The following CACNG2 variants were observed in gnomAD, a reference collection of about 807,000 sequenced individuals.
The protein encoded by CACNG2 is voltage-dependent calcium channel gamma-2 subunit.
Under a neutral mutation model 25.9 loss-of-function variants are expected in CACNG2, and 3 were observed. The ratio of observed to expected loss-of-function variants is 0.12; its 90% confidence interval spans 0.05 to 0.30. CACNG2 has a LOEUF of 0.30. Among genes scored for constraint, CACNG2 ranks in the 10% least tolerant of loss-of-function variants. CACNG2 has a pLI of 1.00. For synonymous variants in CACNG2, 167 were observed against 173.3 expected (o/e 0.96, Z 0.29); for missense variants, 341 against 432.5 (o/e 0.79, Z 1.88).
chr22:36,596,231 C>T (rs1935676443), intron 1 of CACNG2, among the ~76,000 whole-genome samples: 7 of 152,212 alleles, frequency 4.6e-5, no homozygotes. Context: ...TCTGTGTTTT[C>T]AACCTTTGCT....
chr22:36,660,579 C>T (rs1936777304), intron 1 of CACNG2, among the ~76,000 whole-genome samples: 1 of 152,354 alleles, frequency 6.6e-6, no homozygotes, highest in Admixed American at 6.5e-5. Flanking sequence ...AACACAAAGA[C>T]GCTGCTACTT....
intron 1 of CACNG2, among the ~76,000 whole-genome samples, chr22:36,683,240 G>A (rs372696881): frequency 6.6e-6 from 1 of 152,232 alleles, no homozygotes; most frequent in African/African-American, 2.4e-5. Context: ...TGTATAAGAA[G>A]TAGCTATGTC....
At chr22:36,642,306 G>A (rs1936451881) in intron 1 of CACNG2, among the ~76,000 whole-genome samples, 1 of 152,200 alleles carries the variant, frequency 6.6e-6, no homozygotes, top group South Asian at 2.1e-4. Flanking sequence ...TTTGGAAACT[G>A]TGTTAGCTGC....
intron 1 of CACNG2, among the ~76,000 whole-genome samples, chr22:36,664,755 C>A (rs566727197): frequency 7.9e-5 from 12 of 152,264 alleles, no homozygotes; most frequent in African/African-American, 2.9e-4. Flanking sequence ...TGCTAGACTG[C>A]AATGTAATAA....
intron 1 of CACNG2, among the ~76,000 whole-genome samples, chr22:36,696,281 G>T (rs966873463): frequency 6.6e-6 from 1 of 151,764 alleles, no homozygotes; most frequent in Admixed American, 6.6e-5. Context: ...TTTTACTATT[G>T]TCCTTTATGC....
intron 1 of CACNG2, among the ~76,000 whole-genome samples, chr22:36,648,759 G>T (rs542738635): frequency 2.0e-5 from 3 of 152,092 alleles, no homozygotes; most frequent in African/African-American, 7.2e-5. Flanking sequence ...GGGAACCTGG[G>T]AATCTTCTTT....
intron 1 of CACNG2, among the ~76,000 whole-genome samples, chr22:36,599,907 C>T (rs1053526348): frequency 2.4e-4 from 37 of 152,252 alleles, no homozygotes; most frequent in Admixed American, 1.1e-3. Flanking sequence ...CTTCCCAGAA[C>T]GTAGGCTTTA....
intron 1 of CACNG2, among the ~76,000 whole-genome samples, chr22:36,640,851 C>A (rs1018297470): frequency 1.3e-5 from 2 of 152,116 alleles, no homozygotes; most frequent in African/African-American, 4.8e-5. Context: ...CATCCCAGCC[C>A]ACAAGCCCTT....
intron 1 of CACNG2, among the ~76,000 whole-genome samples, chr22:36,602,391 A>G (rs1243074117): frequency 6.6e-6 from 1 of 151,614 alleles, no homozygotes; most frequent in Non-Finnish European, 1.5e-5. Flanking sequence ...AAATATATAT[A>G]TATATATTTT....
chr22:36,634,778 C>A (rs138013245), intron 1 of CACNG2, among the ~76,000 whole-genome samples: 1 of 152,278 alleles, frequency 6.6e-6, no homozygotes, highest in African/African-American at 2.4e-5. Flanking sequence ...AGTCCCAGAT[C>A]TCAAGTTTAT....
rs779711682 is a variant in CACNG2, at chr22:36,564,931, G to A, written c.437-45C>T. 1 of 1,572,508 alleles carries A rather than the reference G, an allele frequency of 6.4e-7. No individual in the cohort carries two copies. Among genetic ancestry groups the A allele is most frequent in the Non-Finnish European group, 8.7e-7 (1 of 1,153,434 alleles). ...GGGGTGGGGGATCAGAGAGAAGGAC[G>A]TTAGTTTCTCAGGAAGTCGGCCACA... On this transcript the variant is annotated intron_variant, in intron 3 of 3. Transcript: ENST00000300105. The surrounding 1 kb of genome is among the most constrained non-coding windows in gnomAD (Gnocchi z 6.7).
rs201908926 is a variant in CACNG2, at chr22:36,680,020, A to G, written c.211+22346T>C. 2.4e-4 allele frequency among the ~76,000 whole-genome samples: 36 copies of G among 152,014 alleles called. 1 individual carries two copies. The East Asian group carries it at 7.0e-3, about 29-fold the overall frequency. ...CTTCATGATCACCACCACCTGCACC[A>G]TGGCTATAATTACTACCACCACCAT... On this transcript the variant is annotated intron_variant, in intron 1 of 3. Transcript: ENST00000300105.
rs1555892126 is a variant in CACNG2, at chr22:36,564,176, G to GC, written c.*174_*175insG. 4 of 507,592 alleles carry GC rather than the reference G, an allele frequency of 7.9e-6. No individual in the cohort carries two copies. The highest frequency in any genetic ancestry group is 6.3e-5 in the East Asian group (2 of 31,630). The allele number at this position is 507,592 out of a possible 1,614,324, so 31.4% of individuals were successfully genotyped here. A position where few individuals can be genotyped will look rare whatever the true frequency, so the allele number is the denominator to read the frequency against. ...CTTTTTTTTAAAATTTACTTGTTAT[G>GC]TTTTTTCTCTTTTTTTGTGTGTGTG... On this transcript the variant is annotated 3_prime_UTR_variant, in exon 4 of 4. Coordinates refer to ENST00000300105, the MANE Select transcript of CACNG2 (RefSeq NM_006078.5). The surrounding 1 kb of genome is among the most constrained non-coding windows in gnomAD (Gnocchi z 6.7).
chr22:36,604,182 G>A (rs138707638), intron 1 of CACNG2, among the ~76,000 whole-genome samples: 1 of 152,312 alleles, frequency 6.6e-6, no homozygotes, highest in East Asian at 1.9e-4. Context: ...TAATTCAGAT[G>A]TTCTGGAAAT....
chr22:36,649,504 G>A (rs1401081869), intron 1 of CACNG2, among the ~76,000 whole-genome samples: 35 of 152,156 alleles, frequency 2.3e-4, no homozygotes, highest in Admixed American at 2.2e-3. Context: ...ATGTTAGCCA[G>A]GCTAGTCTCA....
intron 1 of CACNG2, among the ~76,000 whole-genome samples, chr22:36,591,776 G>C (rs927559424): frequency 4.6e-5 from 7 of 152,114 alleles, no homozygotes; most frequent in Non-Finnish European, 1.0e-4. Context: ...ATGAGGCCCA[G>C]GACACAGCAC....
intron 2 of CACNG2, 112 bp from the exon 3 acceptor site, chr22:36,566,605 CTTAGAGGAGAGGTTGCTTTGCAA>C: frequency 8.7e-7 from 1 of 1,151,430 alleles, no homozygotes; most frequent in African/African-American, 1.5e-5. Flanking sequence ...TGGACACAGC[CTTAGAGGAGAGGTTGCTTTGCAA>C]TCCTAGGGAG....
intron 1 of CACNG2, among the ~76,000 whole-genome samples, chr22:36,662,292 T>C (rs1036892841): frequency 6.6e-6 from 1 of 152,186 alleles, no homozygotes; most frequent in Non-Finnish European, 1.5e-5. Context: ...GACTCATTGC[T>C]ATTCTAAGCC....
At chr22:36,585,479 A>G (rs1187512209) in intron 2 of CACNG2, 2 of 152,240 alleles carry the variant, frequency 1.3e-5, no homozygotes, top group Non-Finnish European at 2.9e-5. Context: ...CAGGACTAGC[A>G]TTTTATAGAC....
Sources: gnomAD v4.1 joint callset for allele counts (sites outside exome capture counted in the v4.1 genomes callset) on GRCh38, gnomAD v4.1.1 for gene constraint, Gnocchi (gnomAD v3.1) non-coding constraint, MANE v1.5 for transcripts, NCBI Gene and HGNC (gene_info 2026-07-23, HGNC 2026-07-21) for gene names.